SCN1A: variants seen among roughly 807,000 people sequenced by gnomAD.
SCN1A encodes sodium voltage-gated channel alpha subunit 1, also known as sodium channel protein type 1 subunit alpha.
Under a neutral mutation model 193.7 loss-of-function variants are expected in SCN1A, and 13 were observed. That is an observed-to-expected ratio of 0.07 (90% CI 0.04 to 0.11). SCN1A has a LOEUF of 0.11. Ranked by LOEUF, SCN1A falls within the 10% of genes least tolerant of loss-of-function variation. The pLI is 1.00. For synonymous variants in SCN1A, 781 were observed against 843.6 expected, an observed-to-expected ratio of 0.93 and a Z score of 1.29; for missense variants, 1,432 against 2,451.1, an observed-to-expected ratio of 0.58 and a Z score of 8.78.
chr2:166,105,640 C>T (rs1462827491), intron 2 of SCN1A, among the ~76,000 whole-genome samples: 1 of 152,182 alleles, frequency 6.6e-6, no homozygotes, highest in Non-Finnish European at 1.5e-5. Flanking sequence ...GGATCAAACA[C>T]ACTTTTTTGA....
At chr2:166,137,038 C>T (rs1691889571) in intron 1 of SCN1A, among the ~76,000 whole-genome samples, 1 of 152,140 alleles carries the variant, frequency 6.6e-6, no homozygotes. Context: ...CATTTTAATA[C>T]TCCCAACACT....
chr2:166,112,866 C>G (rs185117281), intron 2 of SCN1A, among the ~76,000 whole-genome samples: 250 of 152,200 alleles, frequency 1.6e-3, no homozygotes, highest in African/African-American at 5.9e-3. Flanking sequence ...TCAATTATGC[C>G]TACATAATGA....
At chr2:166,060,938 A>G (rs1360025276) in intron 4 of SCN1A, 1 of 152,150 alleles carries the variant, frequency 6.6e-6, no homozygotes, top group Non-Finnish European at 1.5e-5. Context: ...CAGAATATAT[A>G]TATTTTAAAA....
intron 1 of SCN1A, among the ~76,000 whole-genome samples, chr2:166,135,437 C>T (rs1435540650): frequency 6.6e-6 from 1 of 152,264 alleles, no homozygotes; most frequent in African/African-American, 2.4e-5. Flanking sequence ...TGTTCAAAGG[C>T]AGAAAGTCAT....
In SCN1A at chr2:165,992,564, TAATTGTAC is replaced by T; in HGVS notation, c.4853-150_4853-143del. 2.4e-6 allele frequency: 1 copy of T among 422,190 alleles called. No individual in the cohort carries two copies. Among genetic ancestry groups the T allele is most frequent in the Non-Finnish European group, 3.9e-6 (1 of 256,664 alleles). 26.2% of individuals were successfully genotyped at this position (422,190 alleles called of 1,614,324 possible). Reference sequence around the variant, plus strand: ...ATGACAACTATATATAATATATATATAATTGTACATAATATATTATAAATCTTAATTTT... The same window carrying T: ...ATGACAACTATATATAATATATATATATAATATATTATAAATCTTAATTTT... On this transcript the variant is annotated intron_variant, in intron 28 of 28. Transcript: ENST00000674923. The surrounding 1 kb of genome is among the most constrained non-coding windows in gnomAD (Gnocchi z 6.5).
At chr2:166,014,012 T>G in intron 20 of SCN1A, 114 bp from the exon 21 acceptor site, 1 of 1,264,858 alleles carries the variant, frequency 7.9e-7, no homozygotes, top group Non-Finnish European at 1.1e-6. Flanking sequence ...CTTGCTAGCA[T>G]AGCTCTCTAA....
intron 19 of SCN1A, among the ~76,000 whole-genome samples, chr2:166,020,007 C>T (rs1321245085): frequency 2.6e-5 from 4 of 151,116 alleles, no homozygotes; most frequent in South Asian, 2.1e-4. Flanking sequence ...GCCTCCCAGG[C>T]TCATGCCATT....
intron 2 of SCN1A, among the ~76,000 whole-genome samples, chr2:166,119,005 A>G (rs1336005972): frequency 1.3e-5 from 2 of 152,110 alleles, no homozygotes; most frequent in Non-Finnish European, 2.9e-5. Context: ...GGAGCACACA[A>G]CCTAGATCCT....
In SCN1A at chr2:166,059,043, A is replaced by G. The variant is rs778032017; in HGVS notation, c.265-355T>C. On this transcript the variant is annotated intron_variant, in intron 4 of 28. Transcript: ENST00000674923. The stretch of plus-strand genomic sequence containing the variant: ...CATTCCAAAAAACTTAAGGCACTAC[A>G]TGCTTTTTATAGTCATTTCAGCTTT... Among the ~76,000 whole-genome samples the G allele has an allele frequency of 3.0e-4, 46 of 152,158 alleles. 1 individual carries two copies. Among genetic ancestry groups the G allele is most frequent in the Non-Finnish European group, 2.9e-5 (2 of 68,022 alleles).
chr2:166,141,004 T>C (rs1692058008), intron 1 of SCN1A, among the ~76,000 whole-genome samples: 1 of 152,174 alleles, frequency 6.6e-6, no homozygotes, highest in African/African-American at 2.4e-5. Context: ...CAGGTGATTC[T>C]GTGCACATTG....
intron 1 of SCN1A, among the ~76,000 whole-genome samples, chr2:166,141,273 C>T (rs1253112724): frequency 2.0e-5 from 3 of 151,776 alleles, no homozygotes; most frequent in African/African-American, 7.3e-5. Flanking sequence ...GTTTCTCTTC[C>T]CTCAGGCCCA....
chr2:165,996,722 C>G (rs1394219016), intron 26 of SCN1A, among the ~76,000 whole-genome samples: 1 of 151,218 alleles, frequency 6.6e-6, no homozygotes, highest in Non-Finnish European at 1.5e-5. Flanking sequence ...ATAGAGTAGC[C>G]TGATATTGAC....
intron 19 of SCN1A, among the ~76,000 whole-genome samples, chr2:166,021,759 C>T (rs1267597703): frequency 6.6e-6 from 1 of 152,094 alleles, no homozygotes; most frequent in Non-Finnish European, 1.5e-5. Context: ...ATTATACCAA[C>T]ATTCAGTATG....
chr2:165,999,826 C>T, intron 24 of SCN1A, 50 bp from the exon 25 acceptor site: 1 of 1,234,126 alleles, frequency 8.1e-7, no homozygotes. Flanking sequence ...ATAATTTAGA[C>T]CTGATGTTTA....
At chr2:166,040,736 G>T (rs1697063298) in intron 16 of SCN1A, among the ~76,000 whole-genome samples, 1 of 152,164 alleles carries the variant, frequency 6.6e-6, no homozygotes, top group African/African-American at 2.4e-5. Context: ...AAATGTACTG[G>T]AAGTTTTCAA....
intron 2 of SCN1A, chr2:166,126,343 TTTAAAA>T (rs1691238953): frequency 6.6e-6 from 1 of 151,824 alleles, no homozygotes; most frequent in Non-Finnish European, 1.5e-5. Flanking sequence ...AAAAGAGAGT[TTTAAAA>T]GAGTTTTTCA....
At chr2:166,055,695 C>T (rs1405831113) in intron 6 of SCN1A, among the ~76,000 whole-genome samples, 1 of 151,956 alleles carries the variant, frequency 6.6e-6, no homozygotes, top group Non-Finnish European at 1.5e-5. Context: ...TAGTAACAGG[C>T]ATTACAAATA....
intron 19 of SCN1A, among the ~76,000 whole-genome samples, chr2:166,025,085 CAAAT>C (rs1416460343): frequency 6.6e-6 from 1 of 152,038 alleles, no homozygotes; most frequent in Non-Finnish European, 1.5e-5. Flanking sequence ...GTCTGTGTAA[CAAAT>C]GAGCATACAC....
At chr2:166,047,292 T>C (rs1427979656) in intron 11 of SCN1A, among the ~76,000 whole-genome samples, 1 of 152,098 alleles carries the variant, frequency 6.6e-6, no homozygotes, top group Non-Finnish European at 1.5e-5. Context: ...AAGTTATCTT[T>C]CTATATCTGC....
Sources: gnomAD v4.1 joint callset for allele counts (sites outside exome capture counted in the v4.1 genomes callset) on GRCh38, gnomAD v4.1.1 for gene constraint, Gnocchi (gnomAD v3.1) non-coding constraint, MANE v1.5 for transcripts, NCBI Gene and HGNC (gene_info 2026-07-23, HGNC 2026-07-21) for gene names.